The following SMC4 variants were observed in gnomAD, a reference collection of about 807,000 sequenced individuals.
SMC4 encodes the protein structural maintenance of chromosomes protein 4.
In SMC4, 87 loss-of-function variants were observed where a neutral mutation model predicts 145.6. The ratio of observed to expected loss-of-function variants is 0.60; its 90% CI spans 0.50 to 0.71. The LOEUF (loss-of-function observed/expected upper bound fraction) is 0.71. Ranked by LOEUF, SMC4 falls within the 30% of genes least tolerant of loss-of-function variation. The probability of loss-of-function intolerance (pLI) is 0.00; values close to 1 mark genes in which losing one functional copy is unlikely to be tolerated. For synonymous variants in SMC4, 558 were observed against 500.7 expected (o/e 1.11, Z -1.53); for missense variants, 1,447 against 1,537.1 (o/e 0.94, Z 0.98).
At position 160,414,380 on chromosome 3, in the gene SMC4, A is replaced by G; in HGVS notation, c.1135A>G (p.Ile379Val). ...TTGCTTTGCTAGGAAACTGAATAAA[A>G]TTACAAAATTTATTGAGGAGAATAA... Reference protein sequence around the residue: ...VKDTEKKLNKITKFIEENKEK... With the variant: ...VKDTEKKLNKVTKFIEENKEK... Residue 379 changes from isoleucine to valine, a missense_variant, in exon 9 of 24, where the codon ATT (isoleucine) becomes GTT (valine). By Grantham distance (29) the Ile-to-Val change is conservative. Transcript: ENST00000357388. 1.3e-6 allele frequency: 2 copies of G among 1,598,858 alleles called. No individual in the cohort carries two copies. Among genetic ancestry groups the G allele is most frequent in the Non-Finnish European group, 1.7e-6 (2 of 1,168,042 alleles).
chr3:160,430,882 TAAG>T lies in SMC4; in HGVS notation c.2940+142_2940+144del, dbSNP rs1028242917. On this transcript the variant is annotated intron_variant, in intron 19 of 23. Transcript: ENST00000357388. ...TAACTATCAATTTTTATTTGTACAA[TAAG>T]AATACTATAATTTGTGAATTTAAAT... The T allele has an allele frequency of 2.5e-4, 309 of 1,223,966 alleles. 1 individual carries two copies. Among genetic ancestry groups the T allele is most frequent in the Non-Finnish European group, 3.7e-5 (33 of 891,588 alleles). 75.8% of individuals were successfully genotyped at this position (1,223,966 alleles called of 1,614,324 possible). A position where few individuals can be genotyped will look rare whatever the true frequency, so the allele number is the denominator to read the frequency against.
chr3:160,402,343 T>A (rs1319449448), intron 3 of SMC4, among the ~76,000 whole-genome samples: 1 of 152,110 alleles, frequency 6.6e-6, no homozygotes, highest in Non-Finnish European at 1.5e-5. Flanking sequence ...TTGAATGGAG[T>A]CGGTGTGTGT....
At chr3:160,433,240 G>GA in intron 23 of SMC4, 31 bp downstream of exon 23, 1 of 1,493,406 alleles carries the variant, frequency 6.7e-7, no homozygotes, top group Non-Finnish European at 9.3e-7. Flanking sequence ...TTTCATTCCA[G>GA]AAACTTTTAG....
At chr3:160,417,430 T>G (rs2108477798) in intron 10 of SMC4, among the ~76,000 whole-genome samples, 1 of 152,294 alleles carries the variant, frequency 6.6e-6, no homozygotes, top group East Asian at 1.9e-4. Context: ...TGAGTACTCA[T>G]GTGCCCTGCA....
intron 18 of SMC4, among the ~76,000 whole-genome samples, chr3:160,430,114 A>G (rs537528994): frequency 6.6e-6 from 1 of 152,162 alleles, no homozygotes; most frequent in African/African-American, 2.4e-5. Context: ...TTTAGAAAAA[A>G]TTTTAACAAA....
intron 18 of SMC4, 23 bp downstream of exon 18, chr3:160,428,965 A>G (rs1310327146): frequency 1.9e-6 from 3 of 1,538,792 alleles, no homozygotes; most frequent in Non-Finnish European, 2.6e-6. Context: ...TGTTACCCTA[A>G]CTTGTTTTCC....
chr3:160,426,189 C>T lies in SMC4; in HGVS notation c.2594C>T (p.Ala865Val), dbSNP rs1717771640. The T allele has an allele frequency of 6.2e-7, 1 of 1,605,968 alleles. No homozygotes were observed. The highest frequency in any genetic ancestry group is 8.5e-7 in the Non-Finnish European group (1 of 1,176,994). The change falls in exon 17 of 24, where the codon GCT becomes GTT. Residue 865 changes from alanine to valine, a missense_variant. Coordinates refer to ENST00000357388, the MANE Select transcript of SMC4 (RefSeq NM_001002800.3). Reference sequence around the variant, plus strand: ...AAATTGCTAGAAGAAAACGTTAGTGCTTTCAAAACAGGTATGTTTAGAGAT... The same window carrying T: ...AAATTGCTAGAAGAAAACGTTAGTGTTTTCAAAACAGGTATGTTTAGAGAT... The part of the protein sequence containing the change: ...KQKLLEENVS[A>V]FKTEYDAVAE...
rs766325361 is a variant in SMC4 at position 160,423,619 on chromosome 3, A to G, written c.2214A>G (p.Val738=). 8.1e-6 allele frequency: 13 copies of G among 1,613,426 alleles called. No homozygotes were observed. The highest frequency in any genetic ancestry group is 1.0e-5 in the Non-Finnish European group (12 of 1,179,520). The change falls in exon 14 of 24, where the codon GTA becomes GTG. Residue 738 remains valine, a synonymous_variant. Coordinates refer to ENST00000357388, the MANE Select transcript of SMC4 (RefSeq NM_001002800.3). ...AYQKDRRWRV[V]TLQGQIIEQS... Reference sequence around the variant, plus strand: ...AAAAAGATAGAAGATGGAGAGTGGTAACTTTACAGGGACAAATCATAGAAC... The same window carrying G: ...AAAAAGATAGAAGATGGAGAGTGGTGACTTTACAGGGACAAATCATAGAAC...
intron 5 of SMC4, chr3:160,404,788 TA>T: frequency 3.4e-6 from 2 of 580,056 alleles, no homozygotes; most frequent in South Asian, 2.8e-5. Flanking sequence ...GTGAAATATA[TA>T]TTAAACACCA....
chr3:160,426,815 G>A (rs1466670576), intron 17 of SMC4, among the ~76,000 whole-genome samples: 1 of 152,132 alleles, frequency 6.6e-6, no homozygotes, highest in East Asian at 1.9e-4. Context: ...ATCTTAATGG[G>A]AGAAGGGATA....
intron 2 of SMC4, 139 bp from the exon 3 acceptor site, chr3:160,401,776 G>T: frequency 1.6e-6 from 1 of 634,482 alleles, no homozygotes; most frequent in Non-Finnish European, 2.7e-6. Flanking sequence ...GGAAAATATA[G>T]ACTCCTAAGT....
chr3:160,431,700 C>T lies in SMC4; in HGVS notation c.3172C>T (p.Leu1058=). 1 of 1,612,348 alleles carries T rather than the reference C, an allele frequency of 6.2e-7. No homozygotes were observed. The highest frequency in any genetic ancestry group is 8.5e-7 in the Non-Finnish European group (1 of 1,179,630). Residue 1058 remains leucine, a synonymous_variant, in exon 21 of 24, where the codon CTA becomes TTA. Coordinates refer to ENST00000357388, the MANE Select transcript of SMC4 (RefSeq NM_001002800.3). ...EDNPIEEISV[L]SPEDLEAIKN... is the part of the protein sequence containing the mutation. The stretch of plus-strand genomic sequence containing the variant: ...TAATCCTATTGAAGAGATTTCGGTT[C>T]TAAGCCCAGAGGATCTTGAAGCGAT...
chr3:160,401,345 GAA>G lies in SMC4; in HGVS notation c.139+383_139+384del, dbSNP rs141053831. ...ATCAATATGACTATGTGAGCATGAT[GAA>G]AAGTTTTTTGACCCTAACCTCACCT... On this transcript the variant is annotated intron_variant, in intron 2 of 23. Transcript: ENST00000357388. 3.2e-3 allele frequency among the ~76,000 whole-genome samples: 485 copies of G among 152,240 alleles called. 2 individuals are homozygous for G. Among genetic ancestry groups the G allele is most frequent in the African/African-American group, 0.011 (465 of 41,520 alleles).
chr3:160,433,697 G>A lies in SMC4; in HGVS notation c.3755G>A (p.Arg1252Gln), dbSNP rs762280367. 9 of 1,577,672 alleles carry A rather than the reference G, an allele frequency of 5.7e-6. No individual in the cohort carries two copies. Among genetic ancestry groups the A allele is most frequent in the South Asian group, 1.2e-5 (1 of 84,024 alleles). ...GCACAGTTCATAATAATTTCTCTTC[G>A]AAATAATATGTTTGAGATTTCGGAT... ...KNAQFIIISL[R>Q]NNMFEISDRL... Residue 1252 changes from arginine (R) to glutamine (Q), a missense_variant, in exon 24 of 24, where the codon CGA (arginine) becomes CAA (glutamine). Physicochemically the swap from Arg to Gln is conservative, Grantham distance 43. Transcript: ENST00000357388.
chr3:160,411,876 G>T, intron 5 of SMC4, 44 bp from the exon 6 acceptor site: 1 of 1,534,174 alleles, frequency 6.5e-7, no homozygotes, highest in Non-Finnish European at 8.9e-7. Flanking sequence ...GATTGATTTA[G>T]CTAAACATAC....
chr3:160,412,465 G>T lies in SMC4; in HGVS notation c.980+12G>T, dbSNP rs1379925342. On this transcript the variant is annotated intron_variant, in intron 7 of 23. Transcript: ENST00000357388. The stretch of plus-strand genomic sequence containing the variant: ...TGTCAATATTATATGTAAGTGCCTT[G>T]ATTGATATTACCAATTTTTATATTA... 7 of 1,588,216 alleles carry T rather than the reference G, an allele frequency of 4.4e-6. No individual in the cohort carries two copies. In the East Asian group the frequency reaches 1.4e-4, roughly 31 times the overall value.
chr3:160,411,898 G>T, intron 5 of SMC4, 22 bp from the exon 6 acceptor site: 1 of 1,606,438 alleles, frequency 6.2e-7, no homozygotes, highest in South Asian at 1.1e-5. Context: ...CAGTGAGTAT[G>T]AAATATAACT....
Position 160,434,418 on chromosome 3 carries a change from T to A in SMC4, c.*609T>A, listed in dbSNP as rs1009405796. 5.9e-5 allele frequency: 9 copies of A among 152,192 alleles called. No homozygotes were observed. Among genetic ancestry groups the A allele is most frequent in the African/African-American group, 2.2e-4 (9 of 41,456 alleles). The allele number at this position is 152,192 out of a possible 1,614,324, so 9.4% of individuals were successfully genotyped here. A position where few individuals can be genotyped will look rare whatever the true frequency, so the allele number is the denominator to read the frequency against. On this transcript the variant is annotated 3_prime_UTR_variant, in exon 24 of 24. Transcript: ENST00000357388. ...AGGCTATCTCGTAAGTTGAAAAATA[T>A]CCCACTATAGTTGCTTCATGAGTAT...
Position 160,402,855 on chromosome 3 carries a change from GAT to G in SMC4, c.500_501del (p.Ile167AsnfsTer2), listed in dbSNP as rs753238574. On this transcript the variant is annotated frameshift_variant, in exon 4 of 24. Coordinates refer to ENST00000357388, the MANE Select transcript of SMC4 (RefSeq NM_001002800.3). LOFTEE classifies it high-confidence loss of function. ...SCTVEVHFQK[I>X]IDKEGDDYEV... ...GTACAGTAGAAGTTCATTTTCAAAAGATAATTGATAAGGTAAGGGATTTTTAC... is the reference window on the plus strand; with the variant it reads ...GTACAGTAGAAGTTCATTTTCAAAAGAATTGATAAGGTAAGGGATTTTTAC... 2.6e-6 allele frequency: 4 copies of G among 1,565,362 alleles called. No homozygotes were observed. The highest frequency in any genetic ancestry group is 2.6e-6 in the Non-Finnish European group (3 of 1,162,582).
Sources: allele counts gnomAD v4.1 joint callset (sites outside exome capture counted in the v4.1 genomes callset), GRCh38; gene constraint gnomAD v4.1.1; transcripts MANE v1.5; gene names NCBI Gene and HGNC (gene_info 2026-07-23, HGNC 2026-07-21).